TXNL1: variants seen among roughly 807,000 people sequenced by gnomAD.
TXNL1 encodes thioredoxin like 1, also known as thioredoxin-like protein 1.
TXNL1 carries 14 observed loss-of-function variants against 35.5 expected under a neutral mutation model. The ratio of observed to expected loss-of-function variants is 0.39; its 90% CI spans 0.26 to 0.62. The LOEUF is 0.62. Among genes scored for constraint, TXNL1 ranks in the 20% least tolerant of loss-of-function variants. TXNL1 has a pLI of 0.47. For synonymous variants in TXNL1, 110 were observed against 115.5 expected (o/e 0.95, Z 0.31); for missense variants, 263 against 349.7 (o/e 0.75, Z 1.98).
At position 56,624,305 on chromosome 18, in the gene TXNL1, C is replaced by T. The variant is rs1568106232; in HGVS notation, c.352G>A (p.Asp118Asn). The change falls in exon 3 of 8, where the codon GAT (aspartate) becomes AAT (asparagine). Residue 118 changes from aspartate (D) to asparagine (N), a missense_variant. Coordinates refer to ENST00000217515, the MANE Select transcript of TXNL1 (RefSeq NM_004786.3). ...ENDPGSNEDTDIPKGYMDLMP... is the reference protein window; with the variant it reads ...ENDPGSNEDTNIPKGYMDLMP... ...CTACATACATAGCCTTTTGGAATAT[C>T]TGTGTCCTCATTGCTTCCAGGGTCA... 1 of 1,613,686 alleles carries T rather than the reference C, an allele frequency of 6.2e-7. No homozygotes were observed. The highest frequency in any genetic ancestry group is 8.5e-7 in the Non-Finnish European group (1 of 1,179,736).
At chr18:56,634,107 C>G (rs1466022339) in intron 1 of TXNL1, among the ~76,000 whole-genome samples, 1 of 151,262 alleles carries the variant, frequency 6.6e-6, no homozygotes, top group East Asian at 1.9e-4. Context: ...AAAACTGGTA[C>G]TACTCATAAC....
chr18:56,611,533 A>G (rs916904198), intron 6 of TXNL1, among the ~76,000 whole-genome samples: 11 of 151,858 alleles, frequency 7.2e-5, no homozygotes, highest in African/African-American at 2.7e-4. Flanking sequence ...TCAAAATTAT[A>G]TAACATTAAG....
intron 1 of TXNL1, among the ~76,000 whole-genome samples, chr18:56,629,807 A>G (rs989660516): frequency 5.3e-5 from 8 of 152,210 alleles, no homozygotes. Context: ...CCCTCCTGCA[A>G]AAACACACAC....
In TXNL1 at chr18:56,602,358, C is replaced by G. The variant is rs2023821320; in HGVS notation, c.*669G>C. 1 of 132,360 alleles carries G rather than the reference C, an allele frequency of 7.6e-6. No homozygotes were observed. Among genetic ancestry groups the G allele is most frequent in the African/African-American group, 2.9e-5 (1 of 34,624 alleles). The allele number at this position is 132,360 out of a possible 1,614,324, so 8.2% of individuals were successfully genotyped here. ...TATGCTGTATTTTTTCCCCAACTGTCTGATTTCCACATTCTTCTATTAGTT... is the reference window on the plus strand; with the variant it reads ...TATGCTGTATTTTTTCCCCAACTGTGTGATTTCCACATTCTTCTATTAGTT... On this transcript the variant is annotated 3_prime_UTR_variant, in exon 8 of 8. Coordinates refer to ENST00000217515, the MANE Select transcript of TXNL1 (RefSeq NM_004786.3).
intron 3 of TXNL1, among the ~76,000 whole-genome samples, chr18:56,618,469 T>C (rs1280256885): frequency 6.6e-6 from 1 of 152,218 alleles, no homozygotes; most frequent in Non-Finnish European, 1.5e-5. Flanking sequence ...CCTCTTCTAG[T>C]GGTCAAGGAC....
chr18:56,603,795 TAC>T (rs1264837133), intron 7 of TXNL1, among the ~76,000 whole-genome samples: 1 of 152,200 alleles, frequency 6.6e-6, no homozygotes, highest in Non-Finnish European at 1.5e-5. Flanking sequence ...ACTGACAACT[TAC>T]AGTTTATCAT....
chr18:56,628,985 T>C (rs745388638), intron 1 of TXNL1, among the ~76,000 whole-genome samples: 6 of 152,214 alleles, frequency 3.9e-5, no homozygotes, highest in Non-Finnish European at 8.8e-5. Flanking sequence ...AAATTAGTCT[T>C]AAACTTTATA....
In TXNL1 at chr18:56,597,296, A is replaced by T. The variant is rs939058994; in HGVS notation, c.*5731T>A. ...TGCCATCCATCTCCAAGTTTTGCCA[A>T]GTGTCATGTAAAACTGTGTTCAATG... On this transcript the variant is annotated 3_prime_UTR_variant, in exon 8 of 8. Coordinates refer to ENST00000217515, the MANE Select transcript of TXNL1 (RefSeq NM_004786.3). The T allele has an allele frequency of 6.6e-6, 1 of 152,246 alleles. No individual in the cohort carries two copies. The highest frequency in any genetic ancestry group is 1.5e-5 in the Non-Finnish European group (1 of 68,028). 9.4% of individuals were successfully genotyped at this position (152,246 alleles called of 1,614,324 possible).
Position 56,622,506 on chromosome 18 carries a change from A to G in TXNL1, c.369+1782T>C, listed in dbSNP as rs2024205589. 2.0e-5 allele frequency among the ~76,000 whole-genome samples: 3 copies of G among 152,240 alleles called. No individual in the cohort carries two copies. The South Asian group carries it at 6.2e-4, about 32-fold the overall frequency. On this transcript the variant is annotated intron_variant, in intron 3 of 7. Coordinates refer to ENST00000217515, the MANE Select transcript of TXNL1 (RefSeq NM_004786.3). ...TACTGAATAACCCTGTGAGACCTAA[A>G]TAGTTCAAAACTTTAATGTCTTGAT...
At chr18:56,620,624 GA>G (rs2024164684) in intron 3 of TXNL1, among the ~76,000 whole-genome samples, 1 of 152,074 alleles carries the variant, frequency 6.6e-6, no homozygotes, top group Admixed American at 6.5e-5. Context: ...TATTTTTCTA[GA>G]AAAGTATCCA....
rs902236272 is a variant in TXNL1, at chr18:56,602,516, A to G, written c.*511T>C. The G allele has an allele frequency of 3.2e-5, 5 of 154,176 alleles. No individual in the cohort carries two copies. Among genetic ancestry groups the G allele is most frequent in the African/African-American group, 1.2e-4 (5 of 41,446 alleles). The allele number at this position is 154,176 out of a possible 1,614,324, so 9.6% of individuals were successfully genotyped here. On this transcript the variant is annotated 3_prime_UTR_variant, in exon 8 of 8. Coordinates refer to ENST00000217515, the MANE Select transcript of TXNL1 (RefSeq NM_004786.3). ...TTTTAGGTAAGAGTAGCTAAATCTC[A>G]TTAAACCTGTTTATTTCTTCTAATT...
At chr18:56,626,909 ATCC>A (rs1422890503) in intron 1 of TXNL1, among the ~76,000 whole-genome samples, 1 of 146,928 alleles carries the variant, frequency 6.8e-6, no homozygotes, top group Non-Finnish European at 1.5e-5. Context: ...GGCTCAAGCA[ATCC>A]TCCCACCTCA....
intron 6 of TXNL1, among the ~76,000 whole-genome samples, chr18:56,612,752 T>C (rs1052734091): frequency 6.6e-6 from 1 of 152,218 alleles, no homozygotes; most frequent in African/African-American, 2.4e-5. Flanking sequence ...ATTGTTTTCA[T>C]AGGCAGCCAT....
chr18:56,631,100 A>C (rs2024363259), intron 1 of TXNL1, among the ~76,000 whole-genome samples: 1 of 152,058 alleles, frequency 6.6e-6, no homozygotes, highest in Non-Finnish European at 1.5e-5. Flanking sequence ...GGCTGGTCTC[A>C]AACTCCTAGA....
intron 1 of TXNL1, among the ~76,000 whole-genome samples, chr18:56,630,419 A>G (rs1309748701): frequency 6.6e-6 from 1 of 152,226 alleles, no homozygotes; most frequent in Non-Finnish European, 1.5e-5. Context: ...AACACTGAAA[A>G]TAAACCCTTC....
At chr18:56,615,363 G>T (rs2024066908) in intron 5 of TXNL1, among the ~76,000 whole-genome samples, 1 of 144,420 alleles carries the variant, frequency 6.9e-6, no homozygotes, top group African/African-American at 2.6e-5. Context: ...TTCTAAATAA[G>T]GCCTTGGTTA....
Position 56,600,192 on chromosome 18 carries a change from T to G in TXNL1, c.*2835A>C, listed in dbSNP as rs751595451. The G allele has an allele frequency of 1.3e-5, 2 of 152,236 alleles. No homozygotes were observed. Among genetic ancestry groups the G allele is most frequent in the African/African-American group, 2.4e-5 (1 of 41,456 alleles). The allele number at this position is 152,236 out of a possible 1,614,324, so 9.4% of individuals were successfully genotyped here. A position where few individuals can be genotyped will look rare whatever the true frequency, so the allele number is the denominator to read the frequency against. On this transcript the variant is annotated 3_prime_UTR_variant, in exon 8 of 8. Coordinates refer to ENST00000217515, the MANE Select transcript of TXNL1 (RefSeq NM_004786.3). Reference sequence around the variant, plus strand: ...CCATAAATAAACTGCTGAGGCCAAATAAACAACTGCATTCCTATAATCGCT... The same window carrying G: ...CCATAAATAAACTGCTGAGGCCAAAGAAACAACTGCATTCCTATAATCGCT...
intron 1 of TXNL1, among the ~76,000 whole-genome samples, chr18:56,631,769 A>T (rs978970543): frequency 6.6e-6 from 1 of 152,110 alleles, no homozygotes; most frequent in Non-Finnish European, 1.5e-5. Context: ...AAAAATACAA[A>T]ATTAGCTGGG....
chr18:56,619,452 T>C (rs952524110), intron 3 of TXNL1, among the ~76,000 whole-genome samples: 11 of 147,412 alleles, frequency 7.5e-5, no homozygotes, highest in African/African-American at 2.8e-4. Flanking sequence ...GCAGGAGAAC[T>C]TCTTGAACCT....
Sources: allele counts gnomAD v4.1 joint callset (sites outside exome capture counted in the v4.1 genomes callset), GRCh38; gene constraint gnomAD v4.1.1; transcripts MANE v1.5; gene names NCBI Gene and HGNC (gene_info 2026-07-23, HGNC 2026-07-21).